The following COL11A1 variants were observed in gnomAD, a reference collection of about 807,000 sequenced individuals.
COL11A1 encodes the protein collagen alpha-1(XI) chain.
COL11A1 carries 74 observed loss-of-function variants against 265.2 expected under a neutral mutation model. The observed-to-expected ratio is 0.28, with a 90% confidence interval of 0.23 to 0.34. The LOEUF (loss-of-function observed/expected upper bound fraction) is 0.34. Ranked by LOEUF, COL11A1 falls within the 10% of genes least tolerant of loss-of-function variation. COL11A1 has a pLI of 1.00. For synonymous variants in COL11A1, 816 were observed against 727.6 expected (o/e 1.12, Z -1.96); for missense variants, 2,165 against 2,263.6 (o/e 0.96, Z 0.88).
intron 3 of COL11A1, among the ~76,000 whole-genome samples, chr1:103,076,999 A>C (rs1272832684): frequency 6.6e-6 from 1 of 152,120 alleles, no homozygotes; most frequent in Admixed American, 6.6e-5. Context: ...CAAGTATGTC[A>C]CTTTTTAACT....
At chr1:103,107,337 A>G (rs866725796) in intron 1 of COL11A1, among the ~76,000 whole-genome samples, 53 of 147,350 alleles carry the variant, frequency 3.6e-4, no homozygotes, top group African/African-American at 1.3e-3. Context: ...GGCGACTTTC[A>G]TCATTCTCCA....
At chr1:102,983,207 C>T (rs1227381706) in intron 31 of COL11A1, among the ~76,000 whole-genome samples, 1 of 151,608 alleles carries the variant, frequency 6.6e-6, no homozygotes, top group African/African-American at 2.4e-5. Context: ...GGTAAATATG[C>T]ATTTTGAAAA....
chr1:103,068,022 G>A (rs908599568), intron 4 of COL11A1, among the ~76,000 whole-genome samples: 3 of 151,380 alleles, frequency 2.0e-5, no homozygotes, highest in South Asian at 2.1e-4. Flanking sequence ...TATTCAAGAA[G>A]GAAATAACAT....
chr1:102,914,274 T>G, intron 52 of COL11A1, 78 bp downstream of exon 52: 1 of 1,154,724 alleles, frequency 8.7e-7, no homozygotes, highest in Non-Finnish European at 1.3e-6. Flanking sequence ...GTTATTAGAT[T>G]TTTTTTTCTT....
chr1:103,065,960 A>C (rs964753736), intron 4 of COL11A1, among the ~76,000 whole-genome samples: 2 of 152,204 alleles, frequency 1.3e-5, no homozygotes, highest in East Asian at 3.8e-4. Flanking sequence ...TGAGTTGTGC[A>C]TCAGAAAACA....
At chr1:102,920,444 C>T in intron 48 of COL11A1, 80 bp from the exon 49 acceptor site, 1 of 1,229,386 alleles carries the variant, frequency 8.1e-7, no homozygotes, top group Non-Finnish European at 1.2e-6. Flanking sequence ...TAGTTGTTCT[C>T]AAAAAAGAGA....
intron 45 of COL11A1, 34 bp from the exon 46 acceptor site, chr1:102,934,590 G>T: frequency 6.6e-7 from 1 of 1,510,746 alleles, no homozygotes; most frequent in Non-Finnish European, 9.2e-7. Flanking sequence ...TCACAAACTG[G>T]AAAAAATCAT....
intron 57 of COL11A1, among the ~76,000 whole-genome samples, chr1:102,890,983 G>C (rs965108235): frequency 2.6e-5 from 4 of 152,000 alleles, no homozygotes; most frequent in Non-Finnish European, 5.9e-5. Flanking sequence ...TGTTTGGTTT[G>C]TATTTAAATA....
intron 50 of COL11A1, among the ~76,000 whole-genome samples, chr1:102,915,418 C>T (rs192232743): frequency 1.3e-5 from 2 of 152,236 alleles, no homozygotes; most frequent in African/African-American, 4.8e-5. Flanking sequence ...CTAACTTCAG[C>T]AAATATGATA....
chr1:102,968,955 T>C (rs2101619048), intron 37 of COL11A1, among the ~76,000 whole-genome samples: 1 of 152,294 alleles, frequency 6.6e-6, no homozygotes, highest in Non-Finnish European at 1.5e-5. Context: ...TATTCTATAG[T>C]TATTCCCAGA....
chr1:102,997,166 A>G, intron 25 of COL11A1, 42 bp from the exon 26 acceptor site: 1 of 1,473,976 alleles, frequency 6.8e-7, no homozygotes, highest in Non-Finnish European at 9.5e-7. Context: ...TGTAATATAA[A>G]CATAGTTGAT....
At chr1:102,983,993 G>T in intron 31 of COL11A1, 145 bp downstream of exon 31, 2 of 590,834 alleles carry the variant, frequency 3.4e-6, no homozygotes, top group South Asian at 2.4e-5. Flanking sequence ...CACTCCAGGC[G>T]TCCACACACT....
intron 46 of COL11A1, among the ~76,000 whole-genome samples, chr1:102,928,546 T>G (rs1656933343): frequency 6.6e-6 from 1 of 152,210 alleles, no homozygotes; most frequent in Non-Finnish European, 1.5e-5. Context: ...TTGTCAATAG[T>G]GCTACAATAA....
chr1:102,984,521 C>G (rs764447313), intron 30 of COL11A1, among the ~76,000 whole-genome samples: 17 of 151,920 alleles, frequency 1.1e-4, no homozygotes, highest in African/African-American at 4.1e-4. Context: ...TACTTCTAAG[C>G]TTTTTCAACA....
intron 1 of COL11A1, among the ~76,000 whole-genome samples, chr1:103,107,832 C>T (rs2102451527): frequency 6.6e-6 from 1 of 152,244 alleles, no homozygotes; most frequent in South Asian, 2.1e-4. Flanking sequence ...AGGCTCTCCT[C>T]CTGACAGATC....
chr1:103,025,924 A>G (rs2101963933), intron 6 of COL11A1: 1 of 1,612,670 alleles, frequency 6.2e-7, no homozygotes. Flanking sequence ...CACTGTCCTC[A>G]TCTTCTTTTT....
chr1:102,916,016 C>T (rs1189874332), intron 49 of COL11A1, among the ~76,000 whole-genome samples: 3 of 152,122 alleles, frequency 2.0e-5, no homozygotes, highest in Non-Finnish European at 2.9e-5. Flanking sequence ...TGTCAATATT[C>T]ATATTACAAT....
chr1:103,056,970 G>T (rs1387446756), intron 4 of COL11A1, among the ~76,000 whole-genome samples: 1 of 152,128 alleles, frequency 6.6e-6, no homozygotes, highest in East Asian at 1.9e-4. Flanking sequence ...GTCTATAACT[G>T]CTTAGGGTGG....
At chr1:102,947,415 A>T (rs150455733) in intron 41 of COL11A1, among the ~76,000 whole-genome samples, 1,833 of 152,130 alleles carry the variant, frequency 0.012, 34 homozygotes, top group African/African-American at 0.041. Context: ...TTTCAAAATA[A>T]AAAAAATGGG....
Sources: allele counts gnomAD v4.1 joint callset (sites outside exome capture counted in the v4.1 genomes callset), GRCh38; gene constraint gnomAD v4.1.1; transcripts MANE v1.5; gene names NCBI Gene and HGNC (gene_info 2026-07-23, HGNC 2026-07-21).